The following PDZRN4 variants were observed in gnomAD, a reference collection of about 807,000 sequenced individuals.
PDZRN4 encodes the protein PDZ domain containing ring finger 4.
PDZRN4 carries 70 observed loss-of-function variants against 99.0 expected under a neutral mutation model. The ratio of observed to expected loss-of-function variants is 0.71; its 90% CI spans 0.58 to 0.86. The LOEUF is 0.86. Among genes scored for constraint, PDZRN4 ranks in the 40% least tolerant of loss-of-function variants. PDZRN4 has a pLI of 0.00. For missense variants in PDZRN4, 1,474 were observed against 1,331.2 expected, an observed-to-expected ratio of 1.11 and a Z score of -1.67; for synonymous variants, 551 against 501.6, an observed-to-expected ratio of 1.10 and a Z score of -1.32.
intron 3 of PDZRN4, among the ~76,000 whole-genome samples, chr12:41,407,341 T>C (rs1479892657): frequency 1.3e-5 from 2 of 152,226 alleles, no homozygotes; most frequent in East Asian, 3.8e-4. Context: ...AGCAGAGAGC[T>C]ATTTGATGCT....
intron 3 of PDZRN4, among the ~76,000 whole-genome samples, chr12:41,331,642 C>T (rs1420821307): frequency 2.0e-5 from 3 of 152,106 alleles, no homozygotes; most frequent in Non-Finnish European, 4.4e-5. Flanking sequence ...CATTTTCACA[C>T]TGCTGTGATG....
intron 3 of PDZRN4, among the ~76,000 whole-genome samples, chr12:41,239,158 T>C (rs186768825): frequency 1.3e-5 from 2 of 152,304 alleles, no homozygotes; most frequent in Non-Finnish European, 2.9e-5. Context: ...ATCATGTCCT[T>C]TGCAGGGGCA....
At chr12:41,396,239 T>C (rs1395572497) in intron 3 of PDZRN4, among the ~76,000 whole-genome samples, 1 of 152,124 alleles carries the variant, frequency 6.6e-6, no homozygotes, top group Non-Finnish European at 1.5e-5. Context: ...TTTCCTCTAG[T>C]TTCCAATGAT....
chr12:41,308,107 A>G (rs969217394), intron 3 of PDZRN4, among the ~76,000 whole-genome samples: 1 of 152,168 alleles, frequency 6.6e-6, no homozygotes, highest in Non-Finnish European at 1.5e-5. Flanking sequence ...ACATCAAAAA[A>G]TAATTTTTTA....
At chr12:41,317,045 A>C in intron 3 of PDZRN4, among the ~76,000 whole-genome samples, 1 of 9,912 alleles carries the variant, frequency 1.0e-4, no homozygotes. Context: ...TAACTTACAT[A>C]AAGTATATAT....
intron 5 of PDZRN4, among the ~76,000 whole-genome samples, chr12:41,518,899 G>C (rs563862869): frequency 1.5e-4 from 23 of 152,062 alleles, no homozygotes; most frequent in Non-Finnish European, 2.8e-4. Flanking sequence ...AGTGAGCTCT[G>C]ATCACACCAC....
At chr12:41,371,283 T>A (rs896460917) in intron 3 of PDZRN4, among the ~76,000 whole-genome samples, 1 of 151,864 alleles carries the variant, frequency 6.6e-6, no homozygotes, top group Admixed American at 6.6e-5. Context: ...TAAGGTTGAC[T>A]TCAAATTACA....
chr12:41,287,527 T>G (rs1424669788), intron 3 of PDZRN4, among the ~76,000 whole-genome samples: 1 of 152,194 alleles, frequency 6.6e-6, no homozygotes, highest in Middle Eastern at 3.2e-3. Flanking sequence ...CTCTATGCAG[T>G]TTGACTACTT....
At chr12:41,540,903 CGTTGTTGTT>C (rs199757826) in intron 5 of PDZRN4, among the ~76,000 whole-genome samples, 14 of 50,300 alleles carry the variant, frequency 2.8e-4, no homozygotes, top group Admixed American at 1.5e-3. Context: ...CCCTTTTCTT[CGTTGTTGTT>C]GTTGTTGTTG....
At chr12:41,286,082 T>G (rs1474371587) in intron 3 of PDZRN4, among the ~76,000 whole-genome samples, 1 of 152,038 alleles carries the variant, frequency 6.6e-6, no homozygotes, top group African/African-American at 2.4e-5. Flanking sequence ...GCTTGATGAA[T>G]TGGGAATGTG....
At chr12:41,346,008 T>G (rs1951851241) in intron 3 of PDZRN4, among the ~76,000 whole-genome samples, 2 of 152,126 alleles carry the variant, frequency 1.3e-5, no homozygotes, top group African/African-American at 4.8e-5. Context: ...ATTCAGTCTG[T>G]GTTAAACTTT....
intron 3 of PDZRN4, among the ~76,000 whole-genome samples, chr12:41,490,667 A>G (rs1937867385): frequency 6.6e-6 from 1 of 152,018 alleles, no homozygotes; most frequent in Non-Finnish European, 1.5e-5. Context: ...CAGAGTCCCA[A>G]GACTCTCTTG....
chr12:41,464,820 CTT>C lies in PDZRN4; in HGVS notation c.844-41616_844-41615del, dbSNP rs5797739. Among the ~76,000 whole-genome samples, 449 of 104,798 alleles carry C rather than the reference CTT, an allele frequency of 4.3e-3. 2 individuals carry two copies. Among genetic ancestry groups the C allele is most frequent in the African/African-American group, 0.016 (419 of 26,862 alleles). 68.8% of individuals were successfully genotyped at this position (104,798 alleles called of 152,430 possible). A position where few individuals can be genotyped will look rare whatever the true frequency, so the allele number is the denominator to read the frequency against. ...AATAAATGTTATAGTGCCTGTTGTA[CTT>C]TTTTTTTTTTTTTTTTTTTGAGACA... On this transcript the variant is annotated intron_variant, in intron 3 of 9. Transcript: ENST00000402685.
At chr12:41,422,322 T>C (rs1287348850) in intron 3 of PDZRN4, among the ~76,000 whole-genome samples, 1 of 152,166 alleles carries the variant, frequency 6.6e-6, no homozygotes, top group Non-Finnish European at 1.5e-5. Context: ...ATATCCTCAG[T>C]CAAATGAGCT....
intron 3 of PDZRN4, among the ~76,000 whole-genome samples, chr12:41,328,774 A>G (rs1951725547): frequency 6.6e-6 from 1 of 152,100 alleles, no homozygotes; most frequent in Non-Finnish European, 1.5e-5. Flanking sequence ...CTCAAAACAA[A>G]CAAGTCTTAC....
intron 3 of PDZRN4, among the ~76,000 whole-genome samples, chr12:41,311,313 G>A (rs1220575533): frequency 7.9e-5 from 12 of 151,776 alleles, no homozygotes; most frequent in East Asian, 3.9e-4. Context: ...AAAGTCTTAT[G>A]TGGGGGAAAT....
At position 41,252,836 on chromosome 12, in the gene PDZRN4, G is replaced by C. The variant is rs571913298; in HGVS notation, c.843+58648G>C. ...AAGAATTTACAATAAATGAACATTA[G>C]GAAATATTTTGAGGTGCTGAAAATG... is the stretch of plus-strand genomic sequence containing the variant. On this transcript the variant is annotated intron_variant, in intron 3 of 9. Transcript: ENST00000402685. 6.6e-5 allele frequency among the ~76,000 whole-genome samples: 10 copies of C among 152,266 alleles called. No homozygotes were observed. In the East Asian group the frequency reaches 1.5e-3, roughly 23 times the overall value.
intron 3 of PDZRN4, among the ~76,000 whole-genome samples, chr12:41,405,922 GAAC>G (rs1292254002): frequency 1.4e-5 from 2 of 147,410 alleles, no homozygotes; most frequent in Non-Finnish European, 3.0e-5. Context: ...ATAAATGTTG[GAAC>G]AATAGACACT....
At chr12:41,277,923 T>A (rs1951360255) in intron 3 of PDZRN4, among the ~76,000 whole-genome samples, 2 of 152,194 alleles carry the variant, frequency 1.3e-5, no homozygotes, top group Non-Finnish European at 2.9e-5. Context: ...AAAGGTGATG[T>A]GGAATAAAAA....
Sources: allele counts gnomAD v4.1 joint callset (sites outside exome capture counted in the v4.1 genomes callset), GRCh38; gene constraint gnomAD v4.1.1; transcripts MANE v1.5; gene names NCBI Gene and HGNC (gene_info 2026-07-23, HGNC 2026-07-21).